The following MAGI3 variants were observed in gnomAD, a reference collection of about 807,000 sequenced individuals.
MAGI3 encodes the protein membrane associated guanylate kinase, WW and PDZ domain containing 3.
In MAGI3, 43 loss-of-function variants were observed where a neutral mutation model predicts 121.8. The ratio of observed to expected loss-of-function variants is 0.35; its 90% CI spans 0.28 to 0.46. MAGI3 has a LOEUF of 0.46. Among genes scored for constraint, MAGI3 ranks in the 20% least tolerant of loss-of-function variants. The pLI is 1.00. For synonymous variants in MAGI3, 553 were observed against 639.3 expected, an observed-to-expected ratio of 0.86 and a Z score of 2.04; for missense variants, 1,547 against 1,797.3, an observed-to-expected ratio of 0.86 and a Z score of 2.52.
intron 9 of MAGI3, among the ~76,000 whole-genome samples, chr1:113,635,923 A>G (rs890894564): frequency 6.6e-6 from 1 of 152,180 alleles, no homozygotes; most frequent in African/African-American, 2.4e-5. Flanking sequence ...TCGTCTATTC[A>G]GAGATTCAAC....
chr1:113,564,748 A>T (rs1030939641), intron 2 of MAGI3, among the ~76,000 whole-genome samples: 2 of 152,192 alleles, frequency 1.3e-5, no homozygotes, highest in African/African-American at 4.8e-5. Flanking sequence ...AATAAATACC[A>T]AATAAAAATC....
intron 6 of MAGI3, among the ~76,000 whole-genome samples, chr1:113,595,187 A>G (rs1181526454): frequency 6.6e-6 from 1 of 152,084 alleles, no homozygotes; most frequent in Non-Finnish European, 1.5e-5. Context: ...TGTAGTCCTA[A>G]AGCTATATGG....
chr1:113,457,143 G>C (rs1297949155), intron 1 of MAGI3, among the ~76,000 whole-genome samples: 1 of 152,174 alleles, frequency 6.6e-6, no homozygotes, highest in East Asian at 1.9e-4. Flanking sequence ...CTAGTACGCA[G>C]TCATGAGTCA....
chr1:113,401,818 T>G (rs1041103030), intron 1 of MAGI3, among the ~76,000 whole-genome samples: 1 of 152,164 alleles, frequency 6.6e-6, no homozygotes, highest in African/African-American at 2.4e-5. Context: ...GGTAAAAGAA[T>G]AACTCATTGC....
At chr1:113,406,318 C>T (rs1011168806) in intron 1 of MAGI3, among the ~76,000 whole-genome samples, 4 of 148,702 alleles carry the variant, frequency 2.7e-5, no homozygotes, top group African/African-American at 9.9e-5. Flanking sequence ...TGTGGTGGCA[C>T]GTGCCTGTAG....
intron 19 of MAGI3, among the ~76,000 whole-genome samples, chr1:113,679,509 A>G (rs1233003177): frequency 1.3e-5 from 2 of 152,150 alleles, no homozygotes; most frequent in Admixed American, 6.5e-5. Flanking sequence ...TGCAGCATTC[A>G]TCAACATGTG....
At chr1:113,454,799 C>A (rs1409705214) in intron 1 of MAGI3, among the ~76,000 whole-genome samples, 1 of 152,094 alleles carries the variant, frequency 6.6e-6, no homozygotes, top group Non-Finnish European at 1.5e-5. Flanking sequence ...TAAATGGATT[C>A]ATGTGAAGTT....
intron 9 of MAGI3, among the ~76,000 whole-genome samples, chr1:113,624,293 A>C (rs533402903): frequency 1.3e-5 from 2 of 152,214 alleles, no homozygotes; most frequent in East Asian, 3.9e-4. Flanking sequence ...ATTGTTTTCC[A>C]TAGTGGTTGT....
intron 2 of MAGI3, among the ~76,000 whole-genome samples, chr1:113,564,899 G>C (rs1660380705): frequency 6.6e-6 from 1 of 151,784 alleles, no homozygotes; most frequent in African/African-American, 2.4e-5. Context: ...GCCCAGGCTA[G>C]AGTACAGTGG....
Position 113,682,964 on chromosome 1 carries a change from A to G in MAGI3, c.3396A>G (p.Pro1132=). The G allele has an allele frequency of 1.2e-6, 2 of 1,613,512 alleles. No homozygotes were observed. The highest frequency in any genetic ancestry group is 1.1e-5 in the South Asian group (1 of 90,898). Residue 1132 remains proline (P), a synonymous_variant, in exon 21 of 21, where the codon CCA becomes CCG. Transcript: ENST00000307546. ...ATGATGAACAGTCACCATTACCCCC[A>G]TCTTCACATTTTGCTTCCATATTTG... ...VIYDEQSPLP[P]SSHFASIFEE...
At chr1:113,463,391 C>G (rs1032242478) in intron 1 of MAGI3, among the ~76,000 whole-genome samples, 1 of 144,484 alleles carries the variant, frequency 6.9e-6, no homozygotes, top group Non-Finnish European at 1.5e-5. Context: ...GAGAAAGATA[C>G]TGAGAGGGTG....
At chr1:113,484,702 C>G (rs1656280771) in intron 1 of MAGI3, among the ~76,000 whole-genome samples, 2 of 69,860 alleles carry the variant, frequency 2.9e-5, no homozygotes, top group Non-Finnish European at 5.6e-5. Context: ...CCTCCCCTCC[C>G]CTCCCCTCCC....
At chr1:113,555,846 T>A (rs1659967980) in intron 2 of MAGI3, among the ~76,000 whole-genome samples, 1 of 152,016 alleles carries the variant, frequency 6.6e-6, no homozygotes, top group African/African-American at 2.4e-5. Context: ...GAGGCTATAG[T>A]GAGCTATAAT....
chr1:113,558,456 C>G (rs768217447), intron 2 of MAGI3, among the ~76,000 whole-genome samples: 3 of 151,928 alleles, frequency 2.0e-5, no homozygotes, highest in African/African-American at 4.8e-5. Context: ...GGAAAAGAAC[C>G]TAAGAGCTGG....
rs1648373038 is a variant in MAGI3 at position 113,683,803 on chromosome 1, A to G, written c.4235A>G (p.Lys1412Arg). Residue 1412 changes from lysine to arginine, a missense_variant, in exon 21 of 21, where the codon AAG becomes AGG. Lys to Arg is a conservative substitution (Grantham distance 26). Transcript: ENST00000307546. ...GTCCAGCTATCAGAAAAGAGGCTGA[A>G]GCAAGAACCTGAAGAGAAGGTAGTT... ...ENVQLSEKRL[K>R]QEPEEKVVSN... 10 of 1,609,718 alleles carry G rather than the reference A, an allele frequency of 6.2e-6. No homozygotes were observed. Among genetic ancestry groups the G allele is most frequent in the Non-Finnish European group, 8.5e-6 (10 of 1,177,792 alleles).
chr1:113,461,918 A>G (rs1198508645), intron 1 of MAGI3, among the ~76,000 whole-genome samples: 1 of 152,242 alleles, frequency 6.6e-6, no homozygotes, highest in African/African-American at 2.4e-5. Context: ...ACATGAACAG[A>G]CACTTCCCAA....
intron 1 of MAGI3, among the ~76,000 whole-genome samples, chr1:113,396,570 A>G (rs1305509549): frequency 6.7e-6 from 1 of 150,188 alleles, no homozygotes; most frequent in Non-Finnish European, 1.5e-5. Context: ...TAATTTTGCT[A>G]ACAAAATATC....
Position 113,684,100 on chromosome 1 carries a change from A to G in MAGI3, c.*86A>G. ...GAAAAAGCCTTTTTTTTTTTTTCAG[A>G]TATTCTGAAACAGATAAGTACATGT... On this transcript the variant is annotated 3_prime_UTR_variant, in exon 21 of 21. Transcript: ENST00000307546. 1 of 1,346,396 alleles carries G rather than the reference A, an allele frequency of 7.4e-7. No homozygotes were observed. Among genetic ancestry groups the G allele is most frequent in the South Asian group, 1.6e-5 (1 of 61,796 alleles). The allele number at this position is 1,346,396 out of a possible 1,614,324, so 83.4% of individuals were successfully genotyped here.
At chr1:113,644,532 C>T (rs1002253989) in intron 11 of MAGI3, among the ~76,000 whole-genome samples, 27 of 152,168 alleles carry the variant, frequency 1.8e-4, no homozygotes, top group African/African-American at 9.7e-5. Flanking sequence ...CTGCCCGCCT[C>T]GGCCTCCCAA....
Sources: gnomAD v4.1 joint callset for allele counts (sites outside exome capture counted in the v4.1 genomes callset) on GRCh38, gnomAD v4.1.1 for gene constraint, MANE v1.5 for transcripts, NCBI Gene and HGNC (gene_info 2026-07-23, HGNC 2026-07-21) for gene names.